The following KCNMA1 variants were observed in gnomAD, a reference collection of about 807,000 sequenced individuals.
KCNMA1 encodes the protein Calcium-activated potassium channel subunit alpha-1.
Under a neutral mutation model 140.0 loss-of-function variants are expected in KCNMA1, and 29 were observed. That is an observed-to-expected ratio of 0.21 (90% CI 0.15 to 0.28). The LOEUF is 0.28. Ranked by LOEUF, KCNMA1 falls within the 10% of genes least tolerant of loss-of-function variation. The pLI is 1.00. For missense variants in KCNMA1, 880 were observed against 1,602.2 expected (o/e 0.55, Z 7.70); for synonymous variants, 612 against 611.9 (o/e 1.00, Z 0.00).
chr10:77,090,613 T>C (rs1429249388), intron 9 of KCNMA1, 103 bp from the exon 10 acceptor site: 12 of 783,118 alleles, frequency 1.5e-5, no homozygotes, highest in Non-Finnish European at 2.5e-5. Flanking sequence ...AGGGGAAGCA[T>C]TCATCTCCTC....
At chr10:76,959,864 C>T (rs1034416222) in intron 20 of KCNMA1, among the ~76,000 whole-genome samples, 4 of 152,188 alleles carry the variant, frequency 2.6e-5, no homozygotes, top group African/African-American at 9.7e-5. Context: ...ACAAGAACAC[C>T]TGTAGGTAAT....
At chr10:76,998,261 C>T (rs1480240243) in intron 19 of KCNMA1, among the ~76,000 whole-genome samples, 1 of 152,174 alleles carries the variant, frequency 6.6e-6, no homozygotes, top group Non-Finnish European at 1.5e-5. Context: ...TCTCTTCCCA[C>T]TTCACAAAAC....
intron 2 of KCNMA1, among the ~76,000 whole-genome samples, chr10:77,358,147 C>T (rs1389972971): frequency 6.6e-6 from 1 of 152,090 alleles, no homozygotes; most frequent in Admixed American, 6.5e-5. Flanking sequence ...GCTGAGAATC[C>T]TCCGTCCCAC....
At chr10:77,354,878 A>T (rs1429949525) in intron 2 of KCNMA1, among the ~76,000 whole-genome samples, 3 of 152,136 alleles carry the variant, frequency 2.0e-5, no homozygotes. Context: ...AAAAAGAGAG[A>T]CTATGGAAAC....
At chr10:76,914,131 G>A (rs1268850533) in intron 24 of KCNMA1, 25 of 1,549,780 alleles carry the variant, frequency 1.6e-5, no homozygotes, top group East Asian at 7.3e-5. Flanking sequence ...CAACTTGCCC[G>A]GTTTAGCTAA....
intron 1 of KCNMA1, among the ~76,000 whole-genome samples, chr10:77,478,875 T>C (rs897827226): frequency 3.3e-5 from 5 of 152,206 alleles, no homozygotes; most frequent in Admixed American, 6.5e-5. Context: ...ATATAAGATA[T>C]AGTCATTTAA....
chr10:77,400,951 G>A (rs2096244268), intron 2 of KCNMA1, among the ~76,000 whole-genome samples: 1 of 151,412 alleles, frequency 6.6e-6, no homozygotes, highest in African/African-American at 2.4e-5. Flanking sequence ...CTTCTGCTTG[G>A]TGTCAGTGCA....
chr10:76,887,470 C>T lies in KCNMA1; in HGVS notation c.3507G>A (p.Thr1169=), dbSNP rs201721843. 59 of 1,613,948 alleles carry T rather than the reference C, an allele frequency of 3.7e-5. No individual in the cohort carries two copies. The Admixed American group carries it at 3.7e-4, about 10-fold the overall frequency. The stretch of plus-strand genomic sequence containing the variant: ...ACTGCATTAAGCAGAAGATCAGGTC[C>T]GTCGGCACGAGCTCAAACTCATAGG... ...NPPYEFELVP[T]DLIFCLMQFD... is the part of the protein sequence containing the mutation. The change falls in exon 28 of 28, where the codon ACG becomes ACA. Residue 1169 remains threonine (T), a synonymous_variant. Transcript: ENST00000286628.
At chr10:77,493,350 G>A (rs776454061) in intron 1 of KCNMA1, among the ~76,000 whole-genome samples, 8 of 152,230 alleles carry the variant, frequency 5.3e-5, no homozygotes, top group African/African-American at 1.7e-4. Flanking sequence ...CTGGTGGTTC[G>A]GATGGCAGCA....
chr10:77,297,976 G>A (rs1374996092), intron 2 of KCNMA1, among the ~76,000 whole-genome samples: 1 of 152,140 alleles, frequency 6.6e-6, no homozygotes, highest in Non-Finnish European at 1.5e-5. Context: ...ACAGCAATTG[G>A]TATCCATCCC....
intron 20 of KCNMA1, among the ~76,000 whole-genome samples, chr10:76,968,110 A>G (rs973925896): frequency 6.6e-6 from 1 of 152,132 alleles, no homozygotes; most frequent in African/African-American, 2.4e-5. Context: ...ACCTCAAACC[A>G]TCACTTTCTA....
At chr10:77,572,569 C>CTATCTATCTATAT (rs2071879711) in intron 1 of KCNMA1, among the ~76,000 whole-genome samples, 3 of 37,562 alleles carry the variant, frequency 8.0e-5, no homozygotes, top group African/African-American at 3.2e-4. Flanking sequence ...AAAAAAAATC[C>CTATCTATCTATAT]ATATATATAT....
chr10:77,513,978 C>T (rs1055271549), intron 1 of KCNMA1, among the ~76,000 whole-genome samples: 3 of 152,336 alleles, frequency 2.0e-5, no homozygotes, highest in East Asian at 3.9e-4. Context: ...CTCCAGCGGG[C>T]GGGACTGTGA....
intron 5 of KCNMA1, among the ~76,000 whole-genome samples, chr10:77,152,282 GTGT>G (rs2098428303): frequency 1.3e-4 from 20 of 148,778 alleles, no homozygotes; most frequent in Admixed American, 2.0e-4. Flanking sequence ...TTGCTTTTGT[GTGT>G]GTGTGTGTGT....
chr10:77,508,391 C>T (rs2046946181), intron 1 of KCNMA1, among the ~76,000 whole-genome samples: 1 of 144,010 alleles, frequency 6.9e-6, no homozygotes, highest in Admixed American at 7.2e-5. Flanking sequence ...CATCATGTTA[C>T]CCAGGGTGGT....
chr10:76,967,101 AT>A (rs1442206257), intron 20 of KCNMA1, among the ~76,000 whole-genome samples: 2 of 152,102 alleles, frequency 1.3e-5, no homozygotes, highest in Non-Finnish European at 2.9e-5. Context: ...AGTCTGTTTT[AT>A]TTGCAGAAGC....
chr10:77,012,285 T>C (rs2090976152), intron 17 of KCNMA1: 1 of 1,459,960 alleles, frequency 6.8e-7, no homozygotes, highest in Non-Finnish European at 9.0e-7. Flanking sequence ...ACAAAGAAAC[T>C]GGGAAAAAAG....
At chr10:77,320,937 A>G (rs2082169255) in intron 2 of KCNMA1, among the ~76,000 whole-genome samples, 1 of 152,266 alleles carries the variant, frequency 6.6e-6, no homozygotes, top group East Asian at 1.9e-4. Flanking sequence ...CGGCTCCTCC[A>G]CTACAATGTT....
At chr10:77,576,981 G>A (rs1201804702) in intron 1 of KCNMA1, among the ~76,000 whole-genome samples, 1 of 152,156 alleles carries the variant, frequency 6.6e-6, no homozygotes, top group Non-Finnish European at 1.5e-5. Context: ...TCATTGCTAT[G>A]GCACCACAGT....
Sources: allele counts gnomAD v4.1 joint callset (sites outside exome capture counted in the v4.1 genomes callset), GRCh38; gene constraint gnomAD v4.1.1; transcripts MANE v1.5; gene names NCBI Gene and HGNC (gene_info 2026-07-23, HGNC 2026-07-21).